The following ZBTB43 variants were observed in gnomAD, a reference collection of about 807,000 sequenced individuals.
ZBTB43 encodes the protein zinc finger and BTB domain-containing protein 43.
In ZBTB43, 6 loss-of-function variants were observed where a neutral mutation model predicts 31.1. The ratio of observed to expected loss-of-function variants is 0.19; its 90% CI spans 0.11 to 0.38. The LOEUF is 0.38. Ranked by LOEUF, ZBTB43 falls within the 10% of genes least tolerant of loss-of-function variation. The probability of loss-of-function intolerance (pLI) is 1.00; values close to 1 mark genes in which losing one functional copy is unlikely to be tolerated. For missense variants in ZBTB43, 379 were observed against 602.1 expected (o/e 0.63, Z 3.88); for synonymous variants, 212 against 221.7 (o/e 0.96, Z 0.39).
chr9:126,832,901 G>A lies in ZBTB43; in HGVS notation c.392G>A (p.Cys131Tyr), dbSNP rs979110718. The A allele has an allele frequency of 3.1e-6, 5 of 1,613,994 alleles. No individual in the cohort carries two copies. Among genetic ancestry groups the A allele is most frequent in the Admixed American group, 1.7e-5 (1 of 60,020 alleles). ...EVLEGNPTVL[C>Y]QKLNHGSDHQ... ...TTAGAGGGAAACCCTACAGTCCTTTGTCAGAAGCTAAATCATGGCAGTGAC... is the reference window on the plus strand; with the variant it reads ...TTAGAGGGAAACCCTACAGTCCTTTATCAGAAGCTAAATCATGGCAGTGAC... The change falls in exon 3 of 3, where the codon TGT (cysteine) becomes TAT (tyrosine). Residue 131 changes from cysteine to tyrosine, a missense_variant. Transcript: ENST00000373464.
rs1209661955 is a variant in ZBTB43 at position 126,833,980 on chromosome 9, A to G, written c.*67A>G. ...TATGGTAATTAATGCAAATCTGGGCACAGATGATGCGTGCTACTTGCTATT... is the reference window on the plus strand; with the variant it reads ...TATGGTAATTAATGCAAATCTGGGCGCAGATGATGCGTGCTACTTGCTATT... On this transcript the variant is annotated 3_prime_UTR_variant, in exon 3 of 3. Coordinates refer to ENST00000373464, the MANE Select transcript of ZBTB43 (RefSeq NM_014007.4). This position sits in a 1 kb window ranked among gnomAD's most constrained non-coding sequence, Gnocchi z 7.9. 6.9e-7 allele frequency: 1 copy of G among 1,454,630 alleles called. No individual in the cohort carries two copies. Among genetic ancestry groups the G allele is most frequent in the Non-Finnish European group, 9.2e-7 (1 of 1,083,198 alleles). 90.1% of individuals were successfully genotyped at this position (1,454,630 alleles called of 1,614,324 possible).
At chr9:126,818,598 G>A (rs778520824) in intron 2 of ZBTB43, among the ~76,000 whole-genome samples, 35 of 152,248 alleles carry the variant, frequency 2.3e-4, no homozygotes, top group Middle Eastern at 3.4e-3. Context: ...TGCTTTTTCT[G>A]TGTCAGTTGA....
chr9:126,814,437 C>CTT (rs983950045), intron 2 of ZBTB43, among the ~76,000 whole-genome samples: 3 of 141,512 alleles, frequency 2.1e-5, no homozygotes, highest in African/African-American at 5.2e-5. Context: ...TTTCATGTGA[C>CTT]TTTTTTTTTT....
chr9:126,823,720 T>C (rs1398155545), intron 2 of ZBTB43, among the ~76,000 whole-genome samples: 1 of 152,250 alleles, frequency 6.6e-6, no homozygotes, highest in African/African-American at 2.4e-5. Flanking sequence ...TTGGGTTTGT[T>C]TGGCAGTAAA....
intron 1 of ZBTB43, among the ~76,000 whole-genome samples, chr9:126,807,837 T>G (rs1056838697): frequency 6.6e-6 from 1 of 152,142 alleles, no homozygotes; most frequent in African/African-American, 2.4e-5. Context: ...AGTTTCACCA[T>G]GTTGGCCAGA....
chr9:126,812,751 G>A (rs2032277650), intron 2 of ZBTB43, among the ~76,000 whole-genome samples: 1 of 152,104 alleles, frequency 6.6e-6, no homozygotes, highest in African/African-American at 2.4e-5. Flanking sequence ...CTGTTTTTCA[G>A]TTGGGTTATT....
intron 2 of ZBTB43, among the ~76,000 whole-genome samples, chr9:126,821,012 CTG>C (rs982590484): frequency 6.8e-6 from 1 of 147,290 alleles, no homozygotes; most frequent in African/African-American, 2.5e-5. Context: ...GCTATAGCTA[CTG>C]TAGCTGCTAT....
intron 2 of ZBTB43, among the ~76,000 whole-genome samples, chr9:126,815,600 C>G (rs761142817): frequency 6.0e-5 from 9 of 149,630 alleles, no homozygotes; most frequent in Non-Finnish European, 8.9e-5. Flanking sequence ...ATTCTCATCC[C>G]AATGTATGTT....
chr9:126,807,879 A>T (rs10819235), intron 1 of ZBTB43, among the ~76,000 whole-genome samples: 94,267 of 152,034 alleles, frequency 0.62, 32,411 homozygotes, highest in Middle Eastern at 0.78. Flanking sequence ...CAAATGATCC[A>T]CCTGCCTTGG....
chr9:126,837,144 C>A lies in ZBTB43; in HGVS notation c.*3231C>A, dbSNP rs2032897385. On this transcript the variant is annotated 3_prime_UTR_variant, in exon 3 of 3. Transcript: ENST00000373464. Reference sequence around the variant, plus strand: ...ATTCATACTTATGCCATGCTTTTACCTTTAGATACACACGTTACAGTAATC... The same window carrying A: ...ATTCATACTTATGCCATGCTTTTACATTTAGATACACACGTTACAGTAATC... The A allele has an allele frequency of 6.0e-6, 1 of 166,976 alleles. No individual in the cohort carries two copies. The highest frequency in any genetic ancestry group is 2.4e-5 in the African/African-American group (1 of 41,402). The allele number at this position is 166,976 out of a possible 1,614,324, so 10.3% of individuals were successfully genotyped here.
intron 2 of ZBTB43, among the ~76,000 whole-genome samples, chr9:126,814,292 T>A: frequency 6.6e-6 from 1 of 150,682 alleles, no homozygotes. Flanking sequence ...TTTACATCTG[T>A]AAAATTTTTA....
Position 126,808,923 on chromosome 9 carries a change from A to C in ZBTB43, c.-24+8A>C, listed in dbSNP as rs182404227. Reference sequence around the variant, plus strand: ...AATACAGCTTTGCATTAGGTAAGCTATCAACTTGATCACGATACCATTTTT... The same window carrying C: ...AATACAGCTTTGCATTAGGTAAGCTCTCAACTTGATCACGATACCATTTTT... On this transcript the variant is annotated splice_region_variant and intron_variant, in intron 2 of 2. Transcript: ENST00000373464. 1 of 152,340 alleles carries C rather than the reference A, an allele frequency of 6.6e-6. No homozygotes were observed. Among genetic ancestry groups the C allele is most frequent in the Admixed American group, 6.5e-5 (1 of 15,306 alleles). The allele number at this position is 152,340 out of a possible 1,614,324, so 9.4% of individuals were successfully genotyped here.
At chr9:126,822,577 C>CA (rs1234780383) in intron 2 of ZBTB43, among the ~76,000 whole-genome samples, 1 of 151,948 alleles carries the variant, frequency 6.6e-6, no homozygotes, top group East Asian at 1.9e-4. Flanking sequence ...ACCCTGTCTA[C>CA]AAAAAATACA....
chr9:126,805,759 C>G (rs1159321441), intron 1 of ZBTB43, among the ~76,000 whole-genome samples: 1 of 152,196 alleles, frequency 6.6e-6, no homozygotes, highest in Admixed American at 6.5e-5. Flanking sequence ...GCCACTCAGC[C>G]CTTACTCTAA....
chr9:126,818,220 T>C (rs111360874), intron 2 of ZBTB43, among the ~76,000 whole-genome samples: 1 of 150,560 alleles, frequency 6.6e-6, no homozygotes, highest in African/African-American at 2.4e-5. Context: ...ACTCTTGGGC[T>C]CAAATGATCC....
At chr9:126,818,750 C>G (rs190203231) in intron 2 of ZBTB43, among the ~76,000 whole-genome samples, 1 of 151,976 alleles carries the variant, frequency 6.6e-6, no homozygotes, top group African/African-American at 2.4e-5. Flanking sequence ...TTTAATATGC[C>G]GCTTAATTTG....
At chr9:126,822,803 G>A (rs2032545161) in intron 2 of ZBTB43, among the ~76,000 whole-genome samples, 1 of 152,162 alleles carries the variant, frequency 6.6e-6, no homozygotes, top group East Asian at 1.9e-4. Flanking sequence ...TCACCACCCT[G>A]ATCAGTCAGC....
In ZBTB43 at chr9:126,831,210, C is replaced by T. The variant is rs533451983; in HGVS notation, c.-23-1277C>T. On this transcript the variant is annotated intron_variant, in intron 2 of 2. Transcript: ENST00000373464. ...GACTGTACTCTAGTCTAATGGTCTC[C>T]TTTCAGTTCCTTGCAATTGCCAAAT... 2.0e-5 allele frequency among the ~76,000 whole-genome samples: 3 copies of T among 152,296 alleles called. No homozygotes were observed. The South Asian group carries it at 6.2e-4, about 32-fold the overall frequency.
chr9:126,830,386 C>T (rs959909560), intron 2 of ZBTB43, among the ~76,000 whole-genome samples: 1 of 152,228 alleles, frequency 6.6e-6, no homozygotes, highest in Non-Finnish European at 1.5e-5. Context: ...TGGCTCACGC[C>T]TGTCATTCCA....
Sources: allele counts gnomAD v4.1 joint callset (sites outside exome capture counted in the v4.1 genomes callset), GRCh38; gene constraint gnomAD v4.1.1; non-coding constraint Gnocchi (gnomAD v3.1); transcripts MANE v1.5; gene names NCBI Gene and HGNC (gene_info 2026-07-23, HGNC 2026-07-21).